The following SH3RF2 variants were observed in gnomAD, a reference collection of about 807,000 sequenced individuals.
SH3RF2 encodes E3 ubiquitin-protein ligase SH3RF2.
A neutral mutation model predicts 59.0 loss-of-function variants in SH3RF2; 43 were observed. The ratio of observed to expected loss-of-function variants is 0.73; its 90% CI spans 0.57 to 0.94. The LOEUF is 0.94. Ranked by LOEUF, SH3RF2 falls within the 40% of genes least tolerant of loss-of-function variation. The pLI is 0.00. For missense variants in SH3RF2, 930 were observed against 940.1 expected (o/e 0.99, Z 0.14); for synonymous variants, 391 against 391.5 (o/e 1.00, Z 0.01).
intron 2 of SH3RF2, chr5:145,997,471 T>C (rs1288499010): frequency 2.6e-6 from 4 of 1,553,612 alleles, no homozygotes; most frequent in African/African-American, 1.4e-5. Flanking sequence ...AAAAATGGGA[T>C]AATGGATACA....
intron 3 of SH3RF2, among the ~76,000 whole-genome samples, chr5:146,001,196 A>T (rs1343946144): frequency 6.6e-6 from 1 of 152,246 alleles, no homozygotes; most frequent in Non-Finnish European, 1.5e-5. Flanking sequence ...CACTACTTTA[A>T]CTATCTGTAT....
At chr5:146,024,790 T>C (rs1168854594) in intron 5 of SH3RF2, among the ~76,000 whole-genome samples, 2 of 152,230 alleles carry the variant, frequency 1.3e-5, no homozygotes, top group Non-Finnish European at 1.5e-5. Context: ...TGTTCCAGCA[T>C]CATTTACTGA....
intron 4 of SH3RF2, among the ~76,000 whole-genome samples, chr5:146,006,060 A>G (rs1013791767): frequency 2.1e-4 from 32 of 152,140 alleles, no homozygotes; most frequent in Non-Finnish European, 2.9e-5. Context: ...CAAGACAAAC[A>G]TGGGTCCCTA....
chr5:146,031,672 C>T (rs1249040431), intron 5 of SH3RF2, among the ~76,000 whole-genome samples: 1 of 152,220 alleles, frequency 6.6e-6, no homozygotes, highest in African/African-American at 2.4e-5. Flanking sequence ...GCCTTGCTTG[C>T]TCTTGTCCTG....
chr5:146,070,499 G>T (rs1029047675), intron 9 of SH3RF2, among the ~76,000 whole-genome samples: 6 of 152,164 alleles, frequency 3.9e-5, no homozygotes, highest in Admixed American at 3.3e-4. Context: ...ACTTGAAAAA[G>T]AACTGAAGCT....
At chr5:145,969,651 C>T (rs1285181114) in intron 2 of SH3RF2, among the ~76,000 whole-genome samples, 1 of 151,956 alleles carries the variant, frequency 6.6e-6, no homozygotes. Flanking sequence ...TGGAGGATTG[C>T]TTGAGCCCAG....
At chr5:145,980,332 T>C (rs1483224366) in intron 2 of SH3RF2, among the ~76,000 whole-genome samples, 1 of 152,028 alleles carries the variant, frequency 6.6e-6, no homozygotes, top group African/African-American at 2.4e-5. Flanking sequence ...ACATATGTAT[T>C]TTGTATTAGA....
chr5:146,065,818 T>C (rs534355766), downstream of SH3RF2, among the ~76,000 whole-genome samples: 1 of 152,344 alleles, frequency 6.6e-6, no homozygotes, highest in East Asian at 1.9e-4. Context: ...ACATGCTTTG[T>C]AAATTTATTG....
In SH3RF2 at chr5:146,069,843, A is replaced by G. The variant is rs531241356; in HGVS notation, c.*33+7109A>G. On this transcript the variant is annotated intron_variant, in intron 9 of 9. Transcript: ENST00000511217. ...CCTGCCTCACCCTCCCAAAGTGCTG[A>G]GATTACAGGTGTGAGCCACCATGCC... Among the ~76,000 whole-genome samples, 20 of 152,224 alleles carry G rather than the reference A, an allele frequency of 1.3e-4. No homozygotes were observed. In the East Asian group the frequency reaches 3.1e-3, roughly 24 times the overall value.
At chr5:146,064,744 AAGGAAGGAAGGAAGGAAGGAAGG>A (rs1763031363), downstream of SH3RF2, among the ~76,000 whole-genome samples, 2 of 7,196 alleles carry the variant, frequency 2.8e-4, no homozygotes, top group African/African-American at 4.5e-4. Context: ...GGAAGGAAGG[AAGGAAGGAAGGAAGGAAGGAAGG>A]AAGGAAGGAA....
At chr5:145,999,880 G>T (rs1760327443) in intron 2 of SH3RF2, among the ~76,000 whole-genome samples, 178 bp from the exon 3 acceptor site, 1 of 152,220 alleles carries the variant, frequency 6.6e-6, no homozygotes, top group Non-Finnish European at 1.5e-5. Context: ...ACATGGTGTT[G>T]GAAGAATGGC....
intron 2 of SH3RF2, among the ~76,000 whole-genome samples, chr5:145,976,265 T>A (rs935588672): frequency 6.6e-6 from 1 of 152,108 alleles, no homozygotes; most frequent in Non-Finnish European, 1.5e-5. Context: ...TTAGTTCACC[T>A]CCCTGAGCTT....
chr5:146,017,508 A>G (rs1245681510), intron 5 of SH3RF2, among the ~76,000 whole-genome samples: 2 of 151,806 alleles, frequency 1.3e-5, no homozygotes, highest in Non-Finnish European at 2.9e-5. Context: ...CTGCTCCTCA[A>G]TATGCCTTCT....
In SH3RF2 at chr5:146,014,064, A is replaced by G; in HGVS notation, c.1059+3A>G. ...TTCCTTCCAGCTGTGTGGGACAGGT[A>G]GGGAAGAAACGCCTGGGATGAGGGC... On this transcript the variant is annotated splice_donor_region_variant and intron_variant, in intron 5 of 9. Transcript: ENST00000359120. The G allele has an allele frequency of 6.2e-7, 1 of 1,612,408 alleles. No homozygotes were observed. Among genetic ancestry groups the G allele is most frequent in the Non-Finnish European group, 8.5e-7 (1 of 1,179,634 alleles).
downstream of SH3RF2, among the ~76,000 whole-genome samples, chr5:146,064,715 AAAGAAAGAAAGAAAGGAAGG>A (rs1763026573): frequency 1.0e-4 from 2 of 19,402 alleles, no homozygotes; most frequent in Admixed American, 5.5e-4. Flanking sequence ...AGAAAGAAAG[AAAGAAAGAAAGAAAGGAAGG>A]AAGGAAGGAA....
chr5:146,024,181 T>C (rs967919055), intron 5 of SH3RF2, among the ~76,000 whole-genome samples: 7 of 152,234 alleles, frequency 4.6e-5, no homozygotes, highest in Non-Finnish European at 8.8e-5. Flanking sequence ...GATTGCACCA[T>C]TGTACATTCC....
At chr5:146,028,412 G>C (rs907133069) in intron 5 of SH3RF2, among the ~76,000 whole-genome samples, 2 of 152,158 alleles carry the variant, frequency 1.3e-5, no homozygotes. Flanking sequence ...ATCTCAAATG[G>C]GAAAATTAAT....
At chr5:145,949,525 G>A (rs1025361251) in intron 2 of SH3RF2, among the ~76,000 whole-genome samples, 4 of 152,172 alleles carry the variant, frequency 2.6e-5, no homozygotes, top group African/African-American at 7.2e-5. Flanking sequence ...GAAATGGAGG[G>A]GCAGAAGAGA....
intron 5 of SH3RF2, among the ~76,000 whole-genome samples, chr5:146,044,026 G>T (rs1394780106): frequency 6.6e-6 from 1 of 152,124 alleles, no homozygotes; most frequent in East Asian, 1.9e-4. Context: ...TATAAAAAAT[G>T]GCCAATCTGT....
Sources: allele counts gnomAD v4.1 joint callset (sites outside exome capture counted in the v4.1 genomes callset), GRCh38; gene constraint gnomAD v4.1.1; transcripts MANE v1.5; gene names NCBI Gene and HGNC (gene_info 2026-07-23, HGNC 2026-07-21).